Variants in DSCAM observed in about 807,000 individuals in gnomAD.
DSCAM encodes DS cell adhesion molecule, also known as cell adhesion molecule DSCAM.
DSCAM carries 47 observed loss-of-function variants against 217.7 expected under a neutral mutation model. The ratio of observed to expected loss-of-function variants is 0.22; its 90% CI spans 0.17 to 0.28. The LOEUF is 0.28. DSCAM is among the 10% of genes least tolerant of loss of function. DSCAM has a pLI of 1.00. For missense variants in DSCAM, 2,080 were observed against 2,618.3 expected (o/e 0.79, Z 4.49); for synonymous variants, 1,056 against 1,015.3 (o/e 1.04, Z -0.76).
chr21:40,611,161 C>T (rs922481516), intron 3 of DSCAM, among the ~76,000 whole-genome samples: 1 of 148,060 alleles, frequency 6.8e-6, no homozygotes, highest in African/African-American at 2.5e-5. Context: ...CGGGTTCAAG[C>T]GATTCTCCTG....
intron 3 of DSCAM, among the ~76,000 whole-genome samples, chr21:40,620,195 G>GAAAGAGAGAAAGAGAGAGAAAAAAGAA (rs2089475976): frequency 1.3e-5 from 1 of 77,650 alleles, no homozygotes; most frequent in Non-Finnish European, 2.7e-5. Flanking sequence ...AAAAGAAAAA[G>GAAAGAGAGAAAGAGAGAGAAAAAAGAA]AAAGAAAGAG....
At chr21:40,371,138 A>G (rs1423630513) in intron 3 of DSCAM, among the ~76,000 whole-genome samples, 3 of 152,214 alleles carry the variant, frequency 2.0e-5, no homozygotes, top group Non-Finnish European at 2.9e-5. Context: ...TTCCAGTTAG[A>G]CATTTAGTTT....
rs573462217 is a variant in DSCAM at position 40,365,701 on chromosome 21, T to C, written c.655+3398A>G. ...GAGTTTCAGCAATCTCCTCTAAAAC[T>C]GTCCCTACTGAAAAGGCAGTCCTCA... is the stretch of plus-strand genomic sequence containing the variant. On this transcript the variant is annotated intron_variant, in intron 4 of 32. Transcript: ENST00000400454. 1.1e-3 allele frequency among the ~76,000 whole-genome samples: 169 copies of C among 152,294 alleles called. 2 individuals carry two copies. Among genetic ancestry groups the C allele is most frequent in the African/African-American group, 3.8e-3 (160 of 41,578 alleles).
At chr21:40,398,507 T>C (rs1044751247) in intron 3 of DSCAM, among the ~76,000 whole-genome samples, 10 of 151,742 alleles carry the variant, frequency 6.6e-5, no homozygotes, top group African/African-American at 2.4e-4. Context: ...GGAGCTGGAC[T>C]TAAAATTAGC....
chr21:40,095,750 T>G (rs903555088), intron 20 of DSCAM, among the ~76,000 whole-genome samples: 2 of 152,122 alleles, frequency 1.3e-5, no homozygotes, highest in African/African-American at 4.8e-5. Flanking sequence ...AAGAAATCAA[T>G]CAATCAAAAT....
intron 3 of DSCAM, among the ~76,000 whole-genome samples, chr21:40,668,681 C>T (rs1419962216): frequency 6.6e-6 from 1 of 152,114 alleles, no homozygotes; most frequent in Non-Finnish European, 1.5e-5. Flanking sequence ...TGTTTAAGTA[C>T]TATTCTGGGA....
At chr21:40,807,423 G>T (rs979309871) in intron 1 of DSCAM, among the ~76,000 whole-genome samples, 1 of 152,050 alleles carries the variant, frequency 6.6e-6, no homozygotes, top group Non-Finnish European at 1.5e-5. Context: ...CAGCCAAATT[G>T]CAGGTTCATG....
intron 3 of DSCAM, among the ~76,000 whole-genome samples, chr21:40,376,269 C>T (rs1000158620): frequency 3.3e-5 from 5 of 151,816 alleles, no homozygotes; most frequent in Admixed American, 2.0e-4. Context: ...TCTTCAAAGC[C>T]GTTTCAATAA....
chr21:40,041,818 G>A (rs539183191), intron 32 of DSCAM, among the ~76,000 whole-genome samples: 45 of 152,222 alleles, frequency 3.0e-4, no homozygotes, highest in Non-Finnish European at 5.1e-4. Context: ...CCCTCAGTGT[G>A]GCAGTTTTAA....
In DSCAM at chr21:40,015,506, T is replaced by C. The variant is rs530938962; in HGVS notation, c.5687-2120A>G. Among the ~76,000 whole-genome samples the C allele has an allele frequency of 8.2e-4, 124 of 152,090 alleles. 1 individual carries two copies. Among genetic ancestry groups the C allele is most frequent in the Admixed American group, 1.8e-3 (28 of 15,266 alleles). On this transcript the variant is annotated intron_variant, in intron 32 of 32. Transcript: ENST00000400454. ...GTGCAATGGTGCATTCATGGCTCAC[T>C]GTAGCCTCAAACTCCTGGGCTCAAG...
At chr21:40,044,529 G>C (rs2146482247) in intron 30 of DSCAM, among the ~76,000 whole-genome samples, 1 of 152,296 alleles carries the variant, frequency 6.6e-6, no homozygotes, top group East Asian at 1.9e-4. Context: ...TTACATATTT[G>C]AGTCTTGCTC....
intron 1 of DSCAM, among the ~76,000 whole-genome samples, chr21:40,819,351 A>G (rs2091908253): frequency 6.6e-6 from 1 of 152,222 alleles, no homozygotes; most frequent in Non-Finnish European, 1.5e-5. Flanking sequence ...TTTCAGCCCC[A>G]TGTGAACCTT....
At chr21:40,380,924 G>A (rs367787786) in intron 3 of DSCAM, among the ~76,000 whole-genome samples, 49 of 151,998 alleles carry the variant, frequency 3.2e-4, no homozygotes, top group Admixed American at 5.2e-4. Flanking sequence ...TTAGCCGGGC[G>A]TGGTGGCGGG....
rs756965040 is a variant in DSCAM at position 40,055,754 on chromosome 21, A to G, written c.5006T>C (p.Ile1669Thr). 17 of 1,613,384 alleles carry G rather than the reference A, an allele frequency of 1.1e-5. No individual in the cohort carries two copies. The highest frequency in any genetic ancestry group is 1.4e-5 in the Non-Finnish European group (17 of 1,179,474). The stretch of plus-strand genomic sequence containing the variant: ...GGTCTCCATCGTGTCTCTCTCTTCA[A>G]TCAAAAGCTGAGCCCTGGGTATGTC... ...HIDIPRAQLLIEERDTMETID... is the reference protein window; with the variant it reads ...HIDIPRAQLLTEERDTMETID... The change falls in exon 29 of 33, where the codon ATT becomes ACT. Residue 1669 changes from isoleucine to threonine, a missense_variant. By Grantham distance (89) the Ile-to-Thr change is moderately conservative (BLOSUM62 -1). Around this residue, in one of 5 missense-constraint regions of DSCAM, gnomAD observed 1,144 missense variants for 1,421.1 expected, o/e 0.81. Transcript: ENST00000400454.
intron 3 of DSCAM, among the ~76,000 whole-genome samples, chr21:40,479,368 C>G (rs1199100078): frequency 1.3e-5 from 2 of 152,288 alleles, no homozygotes; most frequent in African/African-American, 4.8e-5. Context: ...TCTATGTTTT[C>G]TGATATGCTT....
chr21:40,106,790 T>A (rs547180043), intron 20 of DSCAM, among the ~76,000 whole-genome samples: 1 of 152,342 alleles, frequency 6.6e-6, no homozygotes, highest in South Asian at 2.1e-4. Flanking sequence ...GATGGTTGTT[T>A]GTATTTCTGT....
intron 3 of DSCAM, among the ~76,000 whole-genome samples, chr21:40,418,981 T>G (rs1489364791): frequency 6.6e-6 from 1 of 151,992 alleles, no homozygotes; most frequent in Non-Finnish European, 1.5e-5. Context: ...AAAATATATA[T>G]CTATTTTGAG....
At chr21:40,627,574 C>T (rs534766544) in intron 3 of DSCAM, among the ~76,000 whole-genome samples, 1 of 152,272 alleles carries the variant, frequency 6.6e-6, no homozygotes, top group East Asian at 1.9e-4. Flanking sequence ...ACTTAAGTCA[C>T]CTTGAAATAC....
At chr21:40,822,124 G>T (rs2091933063) in intron 1 of DSCAM, among the ~76,000 whole-genome samples, 1 of 151,436 alleles carries the variant, frequency 6.6e-6, no homozygotes, top group Non-Finnish European at 1.5e-5. Context: ...TTTGAGACCA[G>T]CCTGGCCAAC....
Sources: gnomAD v4.1 joint callset for allele counts (sites outside exome capture counted in the v4.1 genomes callset) on GRCh38, gnomAD v4.1.1 for gene constraint, gnomAD v4.1.1 regional missense constraint, MANE v1.5 for transcripts, NCBI Gene and HGNC (gene_info 2026-07-23, HGNC 2026-07-21) for gene names.